TECRL: variants seen among roughly 807,000 people sequenced by gnomAD.
TECRL encodes the protein trans-2,3-enoyl-CoA reductase-like.
TECRL carries 63 observed loss-of-function variants against 52.8 expected under a neutral mutation model. That is an observed-to-expected ratio of 1.19 (90% CI 0.97 to 1.47). The LOEUF (loss-of-function observed/expected upper bound fraction) is 1.47. Among genes scored for constraint, TECRL ranks in the 40% most tolerant of loss-of-function variants. TECRL has a pLI of 0.00. For missense variants in TECRL, 482 were observed against 429.6 expected (o/e 1.12, Z -1.08); for synonymous variants, 164 against 141.9 (o/e 1.16, Z -1.10).
intron 2 of TECRL, among the ~76,000 whole-genome samples, chr4:64,333,489 A>G (rs1397636163): frequency 6.6e-6 from 1 of 152,196 alleles, no homozygotes; most frequent in Non-Finnish European, 1.5e-5. Context: ...ATGCATATGG[A>G]TAATTCTATA....
rs551456353 is a variant in TECRL, at chr4:64,398,334, G to A, written c.234+10784C>T. Among the ~76,000 whole-genome samples, 5 of 152,278 alleles carry A rather than the reference G, an allele frequency of 3.3e-5. No individual in the cohort carries two copies. The South Asian group carries it at 1.0e-3, about 32-fold the overall frequency. ...GTGAAATGGAATCTCCAATACTGGA[G>A]ATGTAGCCTGGTGGGAGGGAAATGA... On this transcript the variant is annotated intron_variant, in intron 1 of 11. Coordinates refer to ENST00000381210, the MANE Select transcript of TECRL (RefSeq NM_001010874.5).
chr4:64,364,899 C>A (rs1418558886), intron 2 of TECRL, among the ~76,000 whole-genome samples: 2 of 151,818 alleles, frequency 1.3e-5, no homozygotes, highest in Non-Finnish European at 2.9e-5. Flanking sequence ...CTCCCTAACT[C>A]ATTCTATGAG....
intron 2 of TECRL, among the ~76,000 whole-genome samples, chr4:64,349,985 A>G (rs916223264): frequency 6.6e-6 from 1 of 152,244 alleles, no homozygotes; most frequent in Non-Finnish European, 1.5e-5. Context: ...ATGAGAAATT[A>G]TAAAATACTT....
intron 10 of TECRL, 119 bp downstream of exon 10, chr4:64,281,355 G>A: frequency 3.1e-6 from 2 of 651,838 alleles, no homozygotes; most frequent in Non-Finnish European, 5.2e-6. Flanking sequence ...CATGATCTGT[G>A]GATAAGACCT....
At chr4:64,314,316 A>G (rs1196663394) in intron 5 of TECRL, among the ~76,000 whole-genome samples, 1 of 152,114 alleles carries the variant, frequency 6.6e-6, no homozygotes, top group African/African-American at 2.4e-5. Flanking sequence ...TATATCCTAT[A>G]CATGGTCTTT....
intron 8 of TECRL, among the ~76,000 whole-genome samples, chr4:64,291,031 C>T (rs1392062128): frequency 6.6e-6 from 1 of 152,058 alleles, no homozygotes; most frequent in Non-Finnish European, 1.5e-5. Context: ...GAAATTTTTA[C>T]ATGCAAATGT....
chr4:64,409,304 T>C lies in TECRL; in HGVS notation c.48A>G (p.Leu16=). ...KSLASERKRA[L]LSQRATRFIL... ...TGAACCGTGTAGCTCTTTGGGAAAG[T>C]AATGCTCTCTTGCGTTCCGAAGCGA... The change falls in exon 1 of 12, where the codon TTA becomes TTG. Residue 16 remains leucine (L), a synonymous_variant. Coordinates refer to ENST00000381210, the MANE Select transcript of TECRL (RefSeq NM_001010874.5). 1 of 1,613,848 alleles carries C rather than the reference T, an allele frequency of 6.2e-7. No homozygotes were observed. The highest frequency in any genetic ancestry group is 8.5e-7 in the Non-Finnish European group (1 of 1,179,816).
At chr4:64,378,408 GA>G (rs984405305) in intron 1 of TECRL, among the ~76,000 whole-genome samples, 1 of 150,856 alleles carries the variant, frequency 6.6e-6, no homozygotes, top group African/African-American at 2.4e-5. Flanking sequence ...CTCTCCAAAA[GA>G]AAAAAAAATT....
chr4:64,377,477 G>T (rs1238444776), intron 1 of TECRL, among the ~76,000 whole-genome samples: 1 of 151,880 alleles, frequency 6.6e-6, no homozygotes, highest in Non-Finnish European at 1.5e-5. Context: ...TCTTAAAAAG[G>T]ATAAACTATC....
chr4:64,325,518 A>G (rs529714557), intron 3 of TECRL, among the ~76,000 whole-genome samples: 6 of 152,300 alleles, frequency 3.9e-5, no homozygotes, highest in African/African-American at 1.4e-4. Flanking sequence ...TATGGCTTCA[A>G]TCTAATAAAT....
chr4:64,350,793 C>A (rs1720337800), intron 2 of TECRL, among the ~76,000 whole-genome samples: 1 of 151,846 alleles, frequency 6.6e-6, no homozygotes, highest in African/African-American at 2.4e-5. Flanking sequence ...CCTCCACAAT[C>A]ACATGAGCCA....
At position 64,403,475 on chromosome 4, in the gene TECRL, G is replaced by GCGCGCACACACACACACACA. The variant is rs59253067; in HGVS notation, c.234+5642_234+5643insTGTGTGTGTGTGTGTGCGCG. On this transcript the variant is annotated intron_variant, in intron 1 of 11. Transcript: ENST00000381210. Reference sequence around the variant, plus strand: ...AAACAATATTCTTCCCTCCCTGAGCGCACACACACACACACACACACACAC... The same window carrying GCGCGCACACACACACACACA: ...AAACAATATTCTTCCCTCCCTGAGCGCGCGCACACACACACACACACACACACACACACACACACACACAC... Among the ~76,000 whole-genome samples the GCGCGCACACACACACACACA allele has an allele frequency of 1.9e-3, 287 of 148,342 alleles. 1 individual carries two copies. The highest frequency in any genetic ancestry group is 6.9e-3 in the African/African-American group (279 of 40,192).
At position 64,383,875 on chromosome 4, in the gene TECRL, G is replaced by T. The variant is rs149489635; in HGVS notation, c.235-8652C>A. ...GTTGCTTCTTCTAATTTTATGGATT[G>T]GCTTTCATGGCAAAAATTTTTTCCT... On this transcript the variant is annotated intron_variant, in intron 1 of 11. Coordinates refer to ENST00000381210, the MANE Select transcript of TECRL (RefSeq NM_001010874.5). 3.9e-4 allele frequency among the ~76,000 whole-genome samples: 59 copies of T among 151,676 alleles called. No individual in the cohort carries two copies. The East Asian group carries it at 9.6e-3, about 25-fold the overall frequency.
intron 3 of TECRL, among the ~76,000 whole-genome samples, chr4:64,323,020 T>A (rs983375474): frequency 2.0e-5 from 3 of 152,100 alleles, no homozygotes; most frequent in African/African-American, 7.2e-5. Flanking sequence ...TACCCAAAAT[T>A]TAGACTACCA....
At chr4:64,403,365 G>GA (rs892740574) in intron 1 of TECRL, among the ~76,000 whole-genome samples, 135 of 140,522 alleles carry the variant, frequency 9.6e-4, no homozygotes, top group Admixed American at 1.4e-3. Context: ...AACTTAAAAT[G>GA]AAAAAAAAAA....
At chr4:64,303,210 C>T (rs181958580) in intron 7 of TECRL, among the ~76,000 whole-genome samples, 99 of 148,324 alleles carry the variant, frequency 6.7e-4, no homozygotes, top group African/African-American at 2.3e-3. Flanking sequence ...TTTTTTGCAG[C>T]ATAAATATAG....
At position 64,305,165 on chromosome 4, in the gene TECRL, C is replaced by T. The variant is rs369606261; in HGVS notation, c.730+1G>A. 7.5e-6 allele frequency: 12 copies of T among 1,607,380 alleles called. No individual in the cohort carries two copies. Among genetic ancestry groups the T allele is most frequent in the Non-Finnish European group, 1.0e-5 (12 of 1,175,930 alleles). ...GTTAGTTAAGAAGAAACCCTACATA[C>T]ATGGTGGTGTATATAGTGGATGATT... is the stretch of plus-strand genomic sequence containing the variant. On this transcript the variant is annotated splice_donor_variant, in intron 7 of 11. Coordinates refer to ENST00000381210, the MANE Select transcript of TECRL (RefSeq NM_001010874.5). LOFTEE classifies it high-confidence loss of function.
chr4:64,340,032 A>G (rs569444402), intron 2 of TECRL, among the ~76,000 whole-genome samples: 1 of 152,230 alleles, frequency 6.6e-6, no homozygotes, highest in South Asian at 2.1e-4. Context: ...TGACTTTCTG[A>G]GTTACTGAAT....
chr4:64,361,320 T>C (rs537508963), intron 2 of TECRL, among the ~76,000 whole-genome samples: 1 of 152,154 alleles, frequency 6.6e-6, no homozygotes, highest in African/African-American at 2.4e-5. Context: ...ACCTACCTGA[T>C]GAACCTGTCA....
Sources: gnomAD v4.1 joint callset for allele counts (sites outside exome capture counted in the v4.1 genomes callset) on GRCh38, gnomAD v4.1.1 for gene constraint, MANE v1.5 for transcripts, NCBI Gene and HGNC (gene_info 2026-07-23, HGNC 2026-07-21) for gene names.